The following SLCO6A1 variants were observed in gnomAD, a reference collection of about 807,000 sequenced individuals.
SLCO6A1 encodes the protein solute carrier organic anion transporter family member 6A1.
Under a neutral mutation model 72.7 loss-of-function variants are expected in SLCO6A1, and 65 were observed. That is an observed-to-expected ratio of 0.89 (90% CI 0.73 to 1.10). The LOEUF (loss-of-function observed/expected upper bound fraction) is 1.10. Ranked by LOEUF, SLCO6A1 falls within the 50% of genes least tolerant of loss-of-function variation. SLCO6A1 has a pLI of 0.00. For missense variants in SLCO6A1, 874 were observed against 872.6 expected, an observed-to-expected ratio of 1.00 and a Z score of -0.02; for synonymous variants, 314 against 298.2, an observed-to-expected ratio of 1.05 and a Z score of -0.55.
intron 6 of SLCO6A1, among the ~76,000 whole-genome samples, chr5:102,441,527 C>T (rs1749831113): frequency 6.6e-6 from 1 of 152,080 alleles, no homozygotes; most frequent in Admixed American, 6.6e-5. Context: ...TTTAGGTATC[C>T]ATTCCCTTAT....
chr5:102,438,807 TA>T (rs1464481686), intron 6 of SLCO6A1, 46 bp from the exon 7 acceptor site: 9 of 1,349,018 alleles, frequency 6.7e-6, no homozygotes, highest in Non-Finnish European at 8.8e-6. Flanking sequence ...TTTTGTTAGA[TA>T]AAGAGGAATA....
chr5:102,498,461 C>G (rs1460376005), intron 1 of SLCO6A1, 26 bp downstream of exon 1: 1 of 1,596,564 alleles, frequency 6.3e-7, no homozygotes, highest in Non-Finnish European at 8.5e-7. Context: ...GCCCTCGCCA[C>G]AACAAACCGC....
rs1029885979 is a variant in SLCO6A1, at chr5:102,390,501, T to C, written c.1879+480A>G. Among the ~76,000 whole-genome samples the C allele has an allele frequency of 5.9e-5, 9 of 152,298 alleles. No individual in the cohort carries two copies. In the East Asian group the frequency reaches 1.7e-3, roughly 29 times the overall value. On this transcript the variant is annotated intron_variant, in intron 11 of 13. Transcript: ENST00000506729. Reference sequence around the variant, plus strand: ...GTCATAATGTGCATTTGAAATCTAGTTTTTGCTATTTAAGAAATTCAAAGA... The same window carrying C: ...GTCATAATGTGCATTTGAAATCTAGCTTTTGCTATTTAAGAAATTCAAAGA...
chr5:102,385,397 C>G (rs1746357278), intron 12 of SLCO6A1, among the ~76,000 whole-genome samples: 2 of 152,004 alleles, frequency 1.3e-5, no homozygotes, highest in South Asian at 4.1e-4. Flanking sequence ...AGCTTTCTAC[C>G]CCTTTATCTT....
At chr5:102,426,969 G>GT (rs397786576) in intron 7 of SLCO6A1, among the ~76,000 whole-genome samples, 1 of 151,480 alleles carries the variant, frequency 6.6e-6, no homozygotes, top group Non-Finnish European at 1.5e-5. Context: ...TCCTTTGCAG[G>GT]TCATGGATAA....
At chr5:102,497,975 A>G (rs1453544606) in intron 1 of SLCO6A1, among the ~76,000 whole-genome samples, 2 of 152,096 alleles carry the variant, frequency 1.3e-5, no homozygotes, top group Non-Finnish European at 2.9e-5. Context: ...CCTTCACTGG[A>G]TGGTTGAGCT....
Position 102,498,849 on chromosome 5 carries a change from C to T in SLCO6A1, c.-5G>A, listed in dbSNP as rs201830055. Reference sequence around the variant, plus strand: ...CCGGGCGACGCCTACGAACATGGCTCACCCTGGGCGGCTCCTGGCGACGCG... The same window carrying T: ...CCGGGCGACGCCTACGAACATGGCTTACCCTGGGCGGCTCCTGGCGACGCG... On this transcript the variant is annotated 5_prime_UTR_variant, in exon 1 of 14. Coordinates refer to ENST00000506729, the MANE Select transcript of SLCO6A1 (RefSeq NM_173488.5). The T allele has an allele frequency of 1.1e-5, 17 of 1,599,776 alleles. No homozygotes were observed. In the Admixed American group the frequency reaches 1.9e-4, roughly 18 times the overall value.
At chr5:102,376,212 C>T (rs987362405) in intron 12 of SLCO6A1, among the ~76,000 whole-genome samples, 2 of 151,856 alleles carry the variant, frequency 1.3e-5, no homozygotes, top group African/African-American at 4.8e-5. Context: ...TAAACATAGC[C>T]AAAATACAGT....
intron 8 of SLCO6A1, among the ~76,000 whole-genome samples, chr5:102,415,713 T>C (rs981142251): frequency 4.6e-5 from 7 of 152,076 alleles, no homozygotes; most frequent in Non-Finnish European, 1.0e-4. Context: ...AAATGGGACT[T>C]AATTAAACTA....
At chr5:102,480,987 G>A (rs1476983764) in intron 1 of SLCO6A1, among the ~76,000 whole-genome samples, 1 of 152,112 alleles carries the variant, frequency 6.6e-6, no homozygotes, top group Non-Finnish European at 1.5e-5. Flanking sequence ...AATGTGAAAT[G>A]AATGGTACCA....
chr5:102,456,914 A>G (rs1027796008), intron 6 of SLCO6A1, among the ~76,000 whole-genome samples: 13 of 152,198 alleles, frequency 8.5e-5, no homozygotes, highest in African/African-American at 3.1e-4. Flanking sequence ...ATATAGACCA[A>G]TGGAACAGAA....
At position 102,373,480 on chromosome 5, in the gene SLCO6A1, G is replaced by A. The variant is rs200400953; in HGVS notation, c.2032C>T (p.Leu678=). 2.4e-5 allele frequency: 35 copies of A among 1,486,830 alleles called. No individual in the cohort carries two copies. The Middle Eastern group carries it at 1.1e-3, about 48-fold the overall frequency. 92.1% of individuals were successfully genotyped at this position (1,486,830 alleles called of 1,614,324 possible). The change falls in exon 13 of 14, where the codon CTA becomes TTA. Residue 678 remains leucine (L), a synonymous_variant. Coordinates refer to ENST00000506729, the MANE Select transcript of SLCO6A1 (RefSeq NM_173488.5). ...LLVGICFLCK[L]CTIIFTTIAF... ...ATAGTAGTGAAGATGATAGTGCATA[G>A]TTTGCAAAGAAAACCTAAATTTAAA...
chr5:102,394,799 T>TA (rs1351935342), intron 10 of SLCO6A1, among the ~76,000 whole-genome samples: 1 of 151,976 alleles, frequency 6.6e-6, no homozygotes, highest in African/African-American at 2.4e-5. Context: ...TGTATGTGCA[T>TA]AAAGAAACAC....
At chr5:102,377,210 T>C (rs1384527714) in intron 12 of SLCO6A1, among the ~76,000 whole-genome samples, 3 of 152,090 alleles carry the variant, frequency 2.0e-5, no homozygotes, top group Admixed American at 6.6e-5. Flanking sequence ...CCAAACACTG[T>C]AAACACTCCA....
intron 1 of SLCO6A1, among the ~76,000 whole-genome samples, chr5:102,491,752 G>A (rs1752688656): frequency 6.6e-6 from 1 of 152,254 alleles, no homozygotes; most frequent in African/African-American, 2.4e-5. Flanking sequence ...TGCAAGCTGA[G>A]GGAGCCGGCT....
intron 7 of SLCO6A1, among the ~76,000 whole-genome samples, chr5:102,436,496 G>A (rs1172016986): frequency 1.3e-5 from 2 of 152,202 alleles, no homozygotes; most frequent in Non-Finnish European, 2.9e-5. Context: ...TTTGGACTCT[G>A]GGTATCAGAG....
At chr5:102,423,210 A>G (rs1336034339) in intron 7 of SLCO6A1, among the ~76,000 whole-genome samples, 2 of 152,204 alleles carry the variant, frequency 1.3e-5, no homozygotes, top group African/African-American at 4.8e-5. Flanking sequence ...AAGAAACTCC[A>G]TCAACTACTG....
At chr5:102,428,082 A>G (rs1399794467) in intron 7 of SLCO6A1, among the ~76,000 whole-genome samples, 2 of 151,242 alleles carry the variant, frequency 1.3e-5, no homozygotes, top group Non-Finnish European at 2.9e-5. Flanking sequence ...TTGTTGGCCA[A>G]GCTGGTCTTG....
intron 7 of SLCO6A1, among the ~76,000 whole-genome samples, chr5:102,424,916 C>T (rs765696889): frequency 1.4e-4 from 22 of 152,118 alleles, no homozygotes; most frequent in Non-Finnish European, 2.8e-4. Context: ...GAAAGCTTAT[C>T]CACCATAATC....
Sources: allele counts gnomAD v4.1 joint callset (sites outside exome capture counted in the v4.1 genomes callset), GRCh38; gene constraint gnomAD v4.1.1; transcripts MANE v1.5; gene names NCBI Gene and HGNC (gene_info 2026-07-23, HGNC 2026-07-21).